Variants in UST observed in about 807,000 individuals in gnomAD.
UST encodes the protein uronyl 2-sulfotransferase, also known as chondroitin sulfate 2-O-sulfotransferase.
Under a neutral mutation model 45.6 loss-of-function variants are expected in UST, and 21 were observed. The observed-to-expected ratio is 0.46, with a 90% CI of 0.33 to 0.66. The LOEUF is 0.66. Among genes scored for constraint, UST ranks in the 30% least tolerant of loss-of-function variants. The probability of loss-of-function intolerance (pLI) is 0.02; values close to 1 mark genes in which losing one functional copy is unlikely to be tolerated. For missense variants in UST, 463 were observed against 512.4 expected (o/e 0.90, Z 0.93); for synonymous variants, 215 against 200.6 (o/e 1.07, Z -0.61).
intron 7 of UST, among the ~76,000 whole-genome samples, chr6:149,039,741 C>T (rs1004002312): frequency 6.6e-5 from 10 of 152,176 alleles, no homozygotes; most frequent in African/African-American, 1.4e-4. Context: ...AACTGAGCAG[C>T]GAGGAAACTG....
At chr6:148,888,897 C>T (rs1485507968) in intron 2 of UST, among the ~76,000 whole-genome samples, 5 of 152,174 alleles carry the variant, frequency 3.3e-5, no homozygotes, top group Non-Finnish European at 4.4e-5. Flanking sequence ...GGATAAGGAC[C>T]GTGTCTAACT....
At chr6:148,966,021 C>T (rs1389828547) in intron 5 of UST, among the ~76,000 whole-genome samples, 1 of 151,462 alleles carries the variant, frequency 6.6e-6, no homozygotes, top group Non-Finnish European at 1.5e-5. Flanking sequence ...GCCAGGAGAT[C>T]GAGACCAGCC....
chr6:148,998,671 C>T (rs1781494250), intron 5 of UST, among the ~76,000 whole-genome samples: 1 of 152,150 alleles, frequency 6.6e-6, no homozygotes, highest in South Asian at 2.1e-4. Context: ...GGGATGCGGG[C>T]CCATCCATAA....
Position 149,060,897 on chromosome 6 carries a change from G to A in UST, c.938-12936G>A, listed in dbSNP as rs914564815. On this transcript the variant is annotated intron_variant, in intron 7 of 7. Transcript: ENST00000367463. ...CTTTTGTCCATGCTTATTTTTTTTC[G>A]CTGGTAAACTTTGGCCCCTCTTTTG... Among the ~76,000 whole-genome samples, 6 of 151,952 alleles carry A rather than the reference G, an allele frequency of 3.9e-5. No individual in the cohort carries two copies. The East Asian group carries it at 7.7e-4, about 20-fold the overall frequency.
chr6:149,000,926 T>C (rs1781537212), intron 5 of UST, among the ~76,000 whole-genome samples: 1 of 152,012 alleles, frequency 6.6e-6, no homozygotes, highest in South Asian at 2.1e-4. Flanking sequence ...GATAGACAGA[T>C]AGAGCAGTTA....
intron 1 of UST, among the ~76,000 whole-genome samples, chr6:148,858,814 A>G (rs1260087257): frequency 1.3e-5 from 2 of 152,196 alleles, no homozygotes; most frequent in African/African-American, 2.4e-5. Flanking sequence ...ATGTCTCTAC[A>G]AAGGACGTGA....
intron 3 of UST, among the ~76,000 whole-genome samples, chr6:148,951,753 C>G (rs1342135146): frequency 6.6e-6 from 1 of 152,210 alleles, no homozygotes; most frequent in Non-Finnish European, 1.5e-5. Context: ...GAAATGTACC[C>G]TCTGCCTTCA....
At chr6:148,797,282 A>G (rs898866652) in intron 1 of UST, among the ~76,000 whole-genome samples, 2 of 152,200 alleles carry the variant, frequency 1.3e-5, no homozygotes, top group African/African-American at 4.8e-5. Context: ...GTCTCTAAAA[A>G]TGAACGAACA....
chr6:148,895,722 GT>G (rs1356902976), intron 2 of UST, among the ~76,000 whole-genome samples: 2 of 152,158 alleles, frequency 1.3e-5, no homozygotes, highest in African/African-American at 4.8e-5. Flanking sequence ...CTCTTCTCTT[GT>G]CTGCTGCCAT....
intron 5 of UST, among the ~76,000 whole-genome samples, chr6:148,993,704 T>A (rs1781397380): frequency 6.6e-6 from 1 of 152,210 alleles, no homozygotes; most frequent in Non-Finnish European, 1.5e-5. Flanking sequence ...GACCTCATGA[T>A]AGTGAGTGAG....
At chr6:148,878,296 GT>G (rs1778744785) in intron 1 of UST, among the ~76,000 whole-genome samples, 1 of 70,734 alleles carries the variant, frequency 1.4e-5, no homozygotes, top group Non-Finnish European at 2.8e-5. Flanking sequence ...TCATGTATGA[GT>G]GGGGGGGGTC....
chr6:148,747,939 C>T (rs1468311957), intron 1 of UST, among the ~76,000 whole-genome samples: 1 of 152,170 alleles, frequency 6.6e-6, no homozygotes, highest in African/African-American at 2.4e-5. Context: ...GCTCACCTTC[C>T]CCCCGCCCCA....
intron 5 of UST, among the ~76,000 whole-genome samples, chr6:149,013,504 C>A (rs1348158506): frequency 1.3e-5 from 2 of 150,496 alleles, no homozygotes; most frequent in South Asian, 2.1e-4. Context: ...CCAGCCTGGG[C>A]AACAAGAGCG....
At chr6:149,025,770 G>A (rs1014058063) in intron 7 of UST, among the ~76,000 whole-genome samples, 1 of 151,958 alleles carries the variant, frequency 6.6e-6, no homozygotes, top group African/African-American at 2.4e-5. Context: ...TACCATTTTG[G>A]GAAGCCAAGG....
rs1319171535 is a variant in UST, at chr6:148,841,584, TTTG to T, written c.248-45399_248-45397del. Among the ~76,000 whole-genome samples the T allele has an allele frequency of 2.7e-3, 383 of 139,596 alleles. 2 individuals carry two copies. The highest frequency in any genetic ancestry group is 0.016 in the South Asian group (69 of 4,346). The allele number at this position is 139,596 out of a possible 152,430, so 91.6% of individuals were successfully genotyped here. ...TTTGCCCAAGGGGGTCTGTTTTGTT[TTTG>T]TTTTTTTTTTCTGTCATGTGTTTGA... On this transcript the variant is annotated intron_variant, in intron 1 of 7. Transcript: ENST00000367463.
intron 7 of UST, chr6:149,027,843 CTTT>C (rs35563578): frequency 5.0e-4 from 66 of 131,586 alleles, no homozygotes; most frequent in African/African-American, 6.8e-4. Flanking sequence ...ATCCCCCCAT[CTTT>C]TTTTTTTTTT....
chr6:148,878,596 C>T (rs1221237777), intron 1 of UST, among the ~76,000 whole-genome samples: 1 of 94,858 alleles, frequency 1.1e-5, no homozygotes, highest in African/African-American at 4.5e-5. Context: ...GTGCGGGGGT[C>T]GTGTATTAGT....
chr6:148,822,666 T>A (rs774631172), intron 1 of UST, among the ~76,000 whole-genome samples: 1 of 152,152 alleles, frequency 6.6e-6, no homozygotes, highest in East Asian at 1.9e-4. Context: ...GGAATATGAG[T>A]AATTTGCCAT....
intron 1 of UST, among the ~76,000 whole-genome samples, chr6:148,855,093 C>T (rs1003453628): frequency 6.6e-6 from 1 of 152,092 alleles, no homozygotes; most frequent in African/African-American, 2.4e-5. Flanking sequence ...TCTCGCGAGA[C>T]GTATTCACTA....
Sources: allele counts gnomAD v4.1 joint callset (sites outside exome capture counted in the v4.1 genomes callset), GRCh38; gene constraint gnomAD v4.1.1; transcripts MANE v1.5; gene names NCBI Gene and HGNC (gene_info 2026-07-23, HGNC 2026-07-21).